The following SLC6A9 variants were observed in gnomAD, a reference collection of about 807,000 sequenced individuals.
SLC6A9 encodes the protein solute carrier family 6 member 9.
A neutral mutation model predicts 70.9 loss-of-function variants in SLC6A9; 31 were observed. That is an observed-to-expected ratio of 0.44 (90% CI 0.33 to 0.59). SLC6A9 has a LOEUF of 0.59. SLC6A9 is among the 20% of genes least tolerant of loss of function. The pLI is 0.04. For synonymous variants in SLC6A9, 310 were observed against 341.3 expected (o/e 0.91, Z 1.01); for missense variants, 631 against 845.2 (o/e 0.75, Z 3.14).
At chr1:44,025,630 T>C (rs1305623230) in intron 1 of SLC6A9, among the ~76,000 whole-genome samples, 12 of 151,996 alleles carry the variant, frequency 7.9e-5, no homozygotes. Flanking sequence ...TGAAACCCTG[T>C]CTCTACTAAA....
intron 1 of SLC6A9, among the ~76,000 whole-genome samples, chr1:44,030,021 C>A (rs1457500346): frequency 6.6e-6 from 1 of 152,212 alleles, no homozygotes; most frequent in Admixed American, 6.5e-5. Context: ...AAGCTGTCAG[C>A]GAGCAAGCGT....
In SLC6A9 at chr1:44,001,531, G is replaced by C; in HGVS notation, c.1059C>G (p.Gly353=). ...SILGFMANHL[G]VDVSRVADHG... is the part of the protein sequence containing the mutation. ...GGTCTGCCACACGGGACACATCCAC[G>C]CCCAGGTGATTGGCCATGAAGCCGA... The change falls in exon 9 of 14, where the codon GGC becomes GGG. Residue 353 remains glycine (G), a synonymous_variant. Transcript: ENST00000372310. The C allele has an allele frequency of 6.2e-7, 1 of 1,614,242 alleles. No individual in the cohort carries two copies. The highest frequency in any genetic ancestry group is 8.5e-7 in the Non-Finnish European group (1 of 1,180,036).
chr1:44,005,314 C>T (rs1028175654), intron 5 of SLC6A9, among the ~76,000 whole-genome samples: 11 of 152,014 alleles, frequency 7.2e-5, no homozygotes, highest in Non-Finnish European at 2.9e-5. Context: ...AAGAGGGTGG[C>T]GAGGGAGGGG....
At chr1:44,024,945 C>A (rs2086954290) in intron 1 of SLC6A9, among the ~76,000 whole-genome samples, 2 of 152,366 alleles carry the variant, frequency 1.3e-5, no homozygotes, top group South Asian at 2.1e-4. Context: ...AAATCTTCGG[C>A]ACTGCACCGG....
rs1356568112 is a variant in SLC6A9 at position 44,002,543 on chromosome 1, G to C, written c.827C>G (p.Thr276Ser). 6.2e-7 allele frequency: 1 copy of C among 1,614,140 alleles called. No homozygotes were observed. The highest frequency in any genetic ancestry group is 1.1e-5 in the South Asian group (1 of 91,080). The change falls in exon 7 of 14, where the codon ACC becomes AGC. Residue 276 changes from threonine (T) to serine (S), a missense_variant. Transcript: ENST00000372310. This position sits in a 1 kb window ranked among gnomAD's most constrained non-coding sequence, Gnocchi z 5.5. ...GAFDGIMYYL[T>S]PQWDKILEAK... ...CTCCAGGATCTTGTCCCACTGCGGG[G>C]TTAGGTAGTACATGATGCCGTCAAA...
chr1:44,029,181 C>T (rs1054867648), intron 1 of SLC6A9, among the ~76,000 whole-genome samples: 1 of 152,232 alleles, frequency 6.6e-6, no homozygotes, highest in African/African-American at 2.4e-5. Flanking sequence ...TCAGACAGGA[C>T]TGTCAGGTCA....
At chr1:44,028,991 T>C (rs1192530255) in intron 1 of SLC6A9, among the ~76,000 whole-genome samples, 1 of 152,184 alleles carries the variant, frequency 6.6e-6, no homozygotes, top group Non-Finnish European at 1.5e-5. Flanking sequence ...CTCTGGTTTC[T>C]GCTGGTGCAG....
intron 2 of SLC6A9, chr1:44,016,979 T>C (rs1215526948): frequency 5.1e-5 from 76 of 1,486,782 alleles, no homozygotes; most frequent in Non-Finnish European, 6.6e-5. Flanking sequence ...CCTCTCCCCA[T>C]CCGCAGCCCA....
At position 43,997,395 on chromosome 1, in the gene SLC6A9, ATGAC is replaced by A. The variant is rs1284740170; in HGVS notation, c.*146_*149del. 1.0e-5 allele frequency: 7 copies of A among 685,912 alleles called. No homozygotes were observed. In the South Asian group the frequency reaches 1.2e-4, roughly 12 times the overall value. 42.5% of individuals were successfully genotyped at this position (685,912 alleles called of 1,614,324 possible). On this transcript the variant is annotated 3_prime_UTR_variant, in exon 14 of 14. Coordinates refer to ENST00000372310, the MANE Select transcript of SLC6A9 (RefSeq NM_001024845.3). This position sits in a 1 kb window ranked among gnomAD's most constrained non-coding sequence, Gnocchi z 4.4. ...GTAAACACTGGGGACATGAGCATGA[ATGAC>A]TGCACTAGCAGTGGTGACCAAGGTG...
rs1408925844 is a variant in SLC6A9 at position 44,018,331 on chromosome 1, G to A, written c.30+5917C>T. On this transcript the variant is annotated intron_variant, in intron 2 of 13. Coordinates refer to ENST00000372310, the MANE Select transcript of SLC6A9 (RefSeq NM_001024845.3). This position sits in a 1 kb window ranked among gnomAD's most constrained non-coding sequence, Gnocchi z 4.2. Reference sequence around the variant, plus strand: ...AACAGGGCCAGGTACGGTGGCTCACGCCTGTAATCCCAGCACTTTGGGAGG... The same window carrying A: ...AACAGGGCCAGGTACGGTGGCTCACACCTGTAATCCCAGCACTTTGGGAGG... Among the ~76,000 whole-genome samples, 1 of 152,120 alleles carries A rather than the reference G, an allele frequency of 6.6e-6. No homozygotes were observed. The highest frequency in any genetic ancestry group is 1.5e-5 in the Non-Finnish European group (1 of 68,014).
chr1:43,999,104 G>A (rs1395680498), intron 12 of SLC6A9, among the ~76,000 whole-genome samples: 1 of 152,068 alleles, frequency 6.6e-6, no homozygotes, highest in Admixed American at 6.5e-5. Flanking sequence ...CACTGCACAC[G>A]ATGGGAGCTT....
intron 4 of SLC6A9, among the ~76,000 whole-genome samples, 165 bp downstream of exon 4, chr1:44,009,800 G>A (rs545250131): frequency 6.6e-6 from 1 of 152,236 alleles, no homozygotes. Context: ...GTAAACATGG[G>A]TCCCAGCATG....
At chr1:44,008,314 A>C (rs1199802775) in intron 5 of SLC6A9, 39 bp downstream of exon 5, 1 of 1,607,020 alleles carries the variant, frequency 6.2e-7, no homozygotes, top group Non-Finnish European at 8.5e-7. Context: ...CAGGGTTGCC[A>C]CCAGGTTCCC....
intron 2 of SLC6A9, among the ~76,000 whole-genome samples, chr1:44,015,534 C>T (rs530322878): frequency 6.6e-6 from 1 of 152,272 alleles, no homozygotes; most frequent in Non-Finnish European, 1.5e-5. Flanking sequence ...CCCAGACTGA[C>T]TTTGAGCCAA....
chr1:44,023,632 A>G (rs901326076), intron 2 of SLC6A9, among the ~76,000 whole-genome samples: 12 of 152,052 alleles, frequency 7.9e-5, no homozygotes, highest in African/African-American at 2.9e-4. Flanking sequence ...CAACAGAGTG[A>G]GACTTAGTCT....
At position 44,019,662 on chromosome 1, in the gene SLC6A9, C is replaced by T. The variant is rs549391753; in HGVS notation, c.30+4586G>A. Among the ~76,000 whole-genome samples, 7 of 152,374 alleles carry T rather than the reference C, an allele frequency of 4.6e-5. No homozygotes were observed. The East Asian group carries it at 5.8e-4, about 13-fold the overall frequency. On this transcript the variant is annotated intron_variant, in intron 2 of 13. Coordinates refer to ENST00000372310, the MANE Select transcript of SLC6A9 (RefSeq NM_001024845.3). ...TGGCTCTGGCCATGGGGACAGGAGGCGGCAGCAGCCCAGCTGGGCCCTGGC... is the reference window on the plus strand; with the variant it reads ...TGGCTCTGGCCATGGGGACAGGAGGTGGCAGCAGCCCAGCTGGGCCCTGGC...
At chr1:44,008,732 G>A in intron 4 of SLC6A9, 109 bp from the exon 5 acceptor site, 1 of 853,692 alleles carries the variant, frequency 1.2e-6, no homozygotes, top group Non-Finnish European at 1.8e-6. Flanking sequence ...TTGAGATGGA[G>A]TCTAGCTCTG....
chr1:44,019,310 A>G (rs915554149), intron 2 of SLC6A9, among the ~76,000 whole-genome samples: 5 of 152,186 alleles, frequency 3.3e-5, no homozygotes, highest in African/African-American at 1.2e-4. Context: ...CTGTCCCATG[A>G]GGTAGGTCCA....
chr1:44,014,350 G>A (rs2086670426), intron 2 of SLC6A9, among the ~76,000 whole-genome samples: 1 of 152,012 alleles, frequency 6.6e-6, no homozygotes, highest in South Asian at 2.1e-4. Context: ...GTGGTCTCCA[G>A]GACAGGACTA....
Sources: allele counts gnomAD v4.1 joint callset (sites outside exome capture counted in the v4.1 genomes callset), GRCh38; gene constraint gnomAD v4.1.1; non-coding constraint Gnocchi (gnomAD v3.1); transcripts MANE v1.5; gene names NCBI Gene and HGNC (gene_info 2026-07-23, HGNC 2026-07-21).